Variants in EPHA6 observed in about 807,000 individuals in gnomAD.
EPHA6 encodes ephrin type-A receptor 6.
A neutral mutation model predicts 112.0 loss-of-function variants in EPHA6; 50 were observed. That is an observed-to-expected ratio of 0.45 (90% confidence interval 0.36 to 0.56). EPHA6 has a LOEUF of 0.56. Among genes scored for constraint, EPHA6 ranks in the 20% least tolerant of loss-of-function variants. The probability of loss-of-function intolerance (pLI) is 0.00; values close to 1 mark genes in which losing one functional copy is unlikely to be tolerated. For missense variants in EPHA6, 1,280 were observed against 1,417.4 expected, an observed-to-expected ratio of 0.90 and a Z score of 1.56; for synonymous variants, 529 against 490.7, an observed-to-expected ratio of 1.08 and a Z score of -1.03.
intron 5 of EPHA6, among the ~76,000 whole-genome samples, chr3:97,382,327 A>G (rs2109024183): frequency 6.6e-6 from 1 of 152,202 alleles, no homozygotes; most frequent in South Asian, 2.1e-4. Flanking sequence ...TTCTTCAATA[A>G]GTTCCCATCT....
At chr3:97,324,471 T>TTCTTTC (rs781602338) in intron 5 of EPHA6, among the ~76,000 whole-genome samples, 2 of 127,190 alleles carry the variant, frequency 1.6e-5, no homozygotes, top group Admixed American at 8.1e-5. Context: ...CTTTCTTTCT[T>TTCTTTC]TTTCTTTCGT....
intron 5 of EPHA6, among the ~76,000 whole-genome samples, chr3:97,287,890 T>C (rs2080528739): frequency 6.6e-6 from 1 of 152,068 alleles, no homozygotes; most frequent in Non-Finnish European, 1.5e-5. Flanking sequence ...CATCCTTGTC[T>C]GATTTTGGTG....
At chr3:97,376,162 T>C (rs1326092360) in intron 5 of EPHA6, among the ~76,000 whole-genome samples, 1 of 152,194 alleles carries the variant, frequency 6.6e-6, no homozygotes, top group Non-Finnish European at 1.5e-5. Context: ...GTTTATCATA[T>C]GTAAGTTATA....
At chr3:96,966,038 T>G (rs1206914204) in intron 2 of EPHA6, among the ~76,000 whole-genome samples, 1 of 152,124 alleles carries the variant, frequency 6.6e-6, no homozygotes, top group Non-Finnish European at 1.5e-5. Context: ...ACTGTGGAAT[T>G]ATAGTATATT....
chr3:97,463,131 A>C (rs2090944714), intron 7 of EPHA6, among the ~76,000 whole-genome samples: 1 of 152,200 alleles, frequency 6.6e-6, no homozygotes. Flanking sequence ...TTTAAGTTCT[A>C]GGGTACATGT....
intron 14 of EPHA6, among the ~76,000 whole-genome samples, chr3:97,665,123 A>G (rs939584869): frequency 2.4e-4 from 37 of 152,354 alleles, no homozygotes; most frequent in Non-Finnish European, 1.3e-4. Context: ...AAACAGAGAT[A>G]CAGACCAATG....
intron 5 of EPHA6, among the ~76,000 whole-genome samples, chr3:97,327,278 T>A (rs1398963983): frequency 2.6e-5 from 4 of 152,190 alleles, no homozygotes; most frequent in African/African-American, 9.6e-5. Flanking sequence ...TATTTTTAAT[T>A]GACATTTTTA....
At chr3:97,266,483 T>TA (rs1478183344) in intron 5 of EPHA6, among the ~76,000 whole-genome samples, 2 of 151,300 alleles carry the variant, frequency 1.3e-5, no homozygotes, top group Admixed American at 6.7e-5. Context: ...ATCTCATGTT[T>TA]AAAAAAAAGA....
chr3:96,849,941 G>A (rs1463061692), intron 1 of EPHA6, among the ~76,000 whole-genome samples: 5 of 152,114 alleles, frequency 3.3e-5, no homozygotes, highest in South Asian at 2.1e-4. Flanking sequence ...ATTATATTAC[G>A]TTACAGGATT....
At chr3:97,704,309 G>A (rs530656001) in intron 14 of EPHA6, among the ~76,000 whole-genome samples, 9 of 152,264 alleles carry the variant, frequency 5.9e-5, no homozygotes, top group African/African-American at 1.7e-4. Flanking sequence ...CATCAACATG[G>A]GTGATGGGTG....
chr3:96,842,095 C>T (rs949421081), intron 1 of EPHA6, among the ~76,000 whole-genome samples: 8 of 152,014 alleles, frequency 5.3e-5, no homozygotes, highest in Non-Finnish European at 1.2e-4. Flanking sequence ...GAGGCAGCCT[C>T]CCATCCATCT....
chr3:97,221,089 G>A (rs1242340678), intron 3 of EPHA6, among the ~76,000 whole-genome samples: 1 of 151,982 alleles, frequency 6.6e-6, no homozygotes, highest in Non-Finnish European at 1.5e-5. Context: ...GCCAAGGCAG[G>A]CGGATCACAA....
At chr3:97,203,214 T>C (rs1314933054) in intron 3 of EPHA6, among the ~76,000 whole-genome samples, 1 of 152,104 alleles carries the variant, frequency 6.6e-6, no homozygotes, top group Non-Finnish European at 1.5e-5. Context: ...GTGTCAAAAT[T>C]ATGTTGTAAG....
intron 5 of EPHA6, among the ~76,000 whole-genome samples, chr3:97,282,159 CT>C (rs1460430087): frequency 6.6e-6 from 1 of 151,938 alleles, no homozygotes. Context: ...TTTTATCAAG[CT>C]TTTTACAATA....
intron 3 of EPHA6, among the ~76,000 whole-genome samples, chr3:97,187,652 A>G (rs941493638): frequency 2.8e-5 from 4 of 141,538 alleles, no homozygotes; most frequent in South Asian, 2.1e-4. Context: ...GAGAGAGAGA[A>G]AGAAAGAAAG....
chr3:97,693,049 C>T lies in EPHA6; in HGVS notation c.2785-27212C>T, dbSNP rs111539146. Among the ~76,000 whole-genome samples the T allele has an allele frequency of 3.5e-3, 534 of 152,186 alleles. 2 individuals carry two copies. The highest frequency in any genetic ancestry group is 0.012 in the African/African-American group (498 of 41,528). ...GGACACGTGTGGTTGGTAAGTGGCC[C>T]TTGTCAAGTCCTCATGATGGTCTGA... On this transcript the variant is annotated intron_variant, in intron 14 of 17. Coordinates refer to ENST00000389672, the MANE Select transcript of EPHA6 (RefSeq NM_001080448.3).
chr3:97,665,402 A>G (rs1436596327), intron 14 of EPHA6, among the ~76,000 whole-genome samples: 4 of 152,226 alleles, frequency 2.6e-5, no homozygotes, highest in African/African-American at 9.6e-5. Context: ...TTCAGGACAT[A>G]GGCCTGGGCA....
intron 5 of EPHA6, among the ~76,000 whole-genome samples, chr3:97,305,973 G>A (rs910994704): frequency 1.3e-5 from 2 of 151,820 alleles, no homozygotes; most frequent in African/African-American, 4.8e-5. Flanking sequence ...CACAAGCAAA[G>A]TTTAAAGGCA....
At chr3:97,565,566 T>C (rs1038679218) in intron 11 of EPHA6, among the ~76,000 whole-genome samples, 3 of 152,156 alleles carry the variant, frequency 2.0e-5, no homozygotes, top group Non-Finnish European at 4.4e-5. Context: ...TGTATTAACA[T>C]TTTAAAATTT....
Sources: allele counts gnomAD v4.1 joint callset (sites outside exome capture counted in the v4.1 genomes callset), GRCh38; gene constraint gnomAD v4.1.1; transcripts MANE v1.5; gene names NCBI Gene and HGNC (gene_info 2026-07-23, HGNC 2026-07-21).